Variants in C8orf34 observed in about 807,000 individuals in gnomAD.
C8orf34 encodes the protein chromosome 8 open reading frame 34.
C8orf34 carries 65 observed loss-of-function variants against 68.3 expected under a neutral mutation model. That is an observed-to-expected ratio of 0.95 (90% CI 0.78 to 1.17). The LOEUF (loss-of-function observed/expected upper bound fraction) is 1.17. Ranked by LOEUF, C8orf34 falls within the 50% of genes most tolerant of loss-of-function variation. The probability of loss-of-function intolerance (pLI) is 0.00; values close to 1 mark genes in which losing one functional copy is unlikely to be tolerated. For synonymous variants in C8orf34, 244 were observed against 241.2 expected (o/e 1.01, Z -0.11); for missense variants, 664 against 655.4 (o/e 1.01, Z -0.14).
chr8:68,733,236 T>G (rs1199148144), intron 10 of C8orf34, among the ~76,000 whole-genome samples: 1 of 152,214 alleles, frequency 6.6e-6, no homozygotes, highest in Admixed American at 6.5e-5. Context: ...CCATTTTGTT[T>G]GCAAGCAGAT....
chr8:68,772,841 T>C (rs1027917385), intron 10 of C8orf34, among the ~76,000 whole-genome samples: 4 of 150,324 alleles, frequency 2.7e-5, no homozygotes, highest in African/African-American at 7.4e-5. Flanking sequence ...TTTTCTTTCT[T>C]TCTCTCTTTC....
At chr8:68,375,203 G>T (rs1807740599) in intron 1 of C8orf34, among the ~76,000 whole-genome samples, 1 of 152,062 alleles carries the variant, frequency 6.6e-6, no homozygotes, top group Non-Finnish European at 1.5e-5. Context: ...TTTTTGACAT[G>T]GGCTTTGCTG....
intron 7 of C8orf34, among the ~76,000 whole-genome samples, chr8:68,548,293 G>A (rs1478859790): frequency 6.6e-6 from 1 of 151,636 alleles, no homozygotes; most frequent in Non-Finnish European, 1.5e-5. Flanking sequence ...ATTAAAATCT[G>A]ACAAATGTGT....
intron 1 of C8orf34, among the ~76,000 whole-genome samples, chr8:68,344,893 C>T (rs568354587): frequency 3.3e-5 from 5 of 152,018 alleles, no homozygotes; most frequent in Admixed American, 2.0e-4. Context: ...TATTAACATA[C>T]GTGTTGAAAA....
chr8:68,342,681 T>A (rs1806121187), intron 1 of C8orf34, among the ~76,000 whole-genome samples: 1 of 152,154 alleles, frequency 6.6e-6, no homozygotes, highest in African/African-American at 2.4e-5. Context: ...TTGTCCAGCG[T>A]CCCCACACTG....
chr8:68,458,709 G>A (rs562685628), intron 3 of C8orf34, among the ~76,000 whole-genome samples: 6 of 152,118 alleles, frequency 3.9e-5, no homozygotes, highest in Non-Finnish European at 7.3e-5. Flanking sequence ...CTGGGGAATG[G>A]TCTGTGAGGT....
chr8:68,570,019 G>C (rs887637205), intron 7 of C8orf34, among the ~76,000 whole-genome samples: 2 of 152,072 alleles, frequency 1.3e-5, no homozygotes, highest in Non-Finnish European at 2.9e-5. Context: ...TCTTCTCATT[G>C]CACACTCCCT....
chr8:68,464,439 G>A (rs1487576313), intron 3 of C8orf34, among the ~76,000 whole-genome samples: 2 of 151,560 alleles, frequency 1.3e-5, no homozygotes, highest in South Asian at 2.1e-4. Context: ...CACAGAATTG[G>A]AAAAAACTAC....
chr8:68,396,474 C>T (rs2129621037), intron 1 of C8orf34, among the ~76,000 whole-genome samples: 1 of 151,778 alleles, frequency 6.6e-6, no homozygotes, highest in African/African-American at 2.4e-5. Context: ...TTTTGAAGGC[C>T]CTTCCAGTTC....
chr8:68,785,303 C>T (rs1043712790), intron 11 of C8orf34, among the ~76,000 whole-genome samples: 13 of 152,148 alleles, frequency 8.5e-5, no homozygotes, highest in Non-Finnish European at 2.9e-5. Context: ...TTCATACCGA[C>T]GTCTTTAACT....
At chr8:68,570,833 C>G (rs1260684058) in intron 7 of C8orf34, among the ~76,000 whole-genome samples, 4 of 152,212 alleles carry the variant, frequency 2.6e-5, no homozygotes, top group South Asian at 2.1e-4. Flanking sequence ...ACGAGAAGCA[C>G]CAACTTAATT....
chr8:68,694,397 A>C lies in C8orf34; in HGVS notation c.1242-14597A>C, dbSNP rs149584636. Among the ~76,000 whole-genome samples the C allele has an allele frequency of 1.7e-3, 257 of 152,206 alleles. 1 individual carries two copies. Among genetic ancestry groups the C allele is most frequent in the Non-Finnish European group, 3.2e-3 (217 of 67,980 alleles). Reference sequence around the variant, plus strand: ...TTCTATAGATAAAATAATCATAGAAATTGCCATGACAGAAAAGTCTAAGTT... The same window carrying C: ...TTCTATAGATAAAATAATCATAGAACTTGCCATGACAGAAAAGTCTAAGTT... On this transcript the variant is annotated intron_variant, in intron 8 of 13. Coordinates refer to ENST00000518698, the MANE Select transcript of C8orf34 (RefSeq NM_052958.4).
chr8:68,799,807 C>CA (rs1200447525), intron 12 of C8orf34, among the ~76,000 whole-genome samples: 1 of 152,080 alleles, frequency 6.6e-6, no homozygotes, highest in Non-Finnish European at 1.5e-5. Flanking sequence ...GGAAATATCA[C>CA]AGAGTTGACA....
chr8:68,516,530 AG>A (rs1380228732), intron 5 of C8orf34, among the ~76,000 whole-genome samples: 1 of 152,200 alleles, frequency 6.6e-6, no homozygotes, highest in Non-Finnish European at 1.5e-5. Flanking sequence ...GCCTAGGACA[AG>A]GTAACTACTT....
At chr8:68,333,091 G>GTTTTAATT (rs1282240058) in intron 1 of C8orf34, among the ~76,000 whole-genome samples, 4 of 151,976 alleles carry the variant, frequency 2.6e-5, no homozygotes, top group African/African-American at 9.7e-5. Flanking sequence ...AATAAATACT[G>GTTTTAATT]TTTTAATTTG....
At chr8:68,362,964 CA>C (rs1177885127) in intron 1 of C8orf34, among the ~76,000 whole-genome samples, 3 of 106,236 alleles carry the variant, frequency 2.8e-5, no homozygotes, top group African/African-American at 1.1e-4. Flanking sequence ...GGAGGACATT[CA>C]AACCAAAGGC....
At chr8:68,775,112 C>A (rs1162654813) in intron 10 of C8orf34, among the ~76,000 whole-genome samples, 2 of 150,970 alleles carry the variant, frequency 1.3e-5, no homozygotes, top group Non-Finnish European at 2.9e-5. Context: ...AGAATCCAGT[C>A]CAAGCGATGC....
In C8orf34 at chr8:68,359,529, G is replaced by C. The variant is rs573156474; in HGVS notation, c.327+28190G>C. Among the ~76,000 whole-genome samples the C allele has an allele frequency of 6.9e-4, 105 of 152,254 alleles. 1 individual carries two copies. Among genetic ancestry groups the C allele is most frequent in the African/African-American group, 2.4e-3 (99 of 41,548 alleles). ...AACCCAGAAGTGCTGGTGATAAGAG[G>C]GCAGTAGTATGTAGAATAGAAATGA... On this transcript the variant is annotated intron_variant, in intron 1 of 13. Coordinates refer to ENST00000518698, the MANE Select transcript of C8orf34 (RefSeq NM_052958.4).
At chr8:68,380,193 T>A (rs969145353) in intron 1 of C8orf34, among the ~76,000 whole-genome samples, 8 of 152,176 alleles carry the variant, frequency 5.3e-5, no homozygotes, top group Non-Finnish European at 1.2e-4. Flanking sequence ...AGGCTCTGCT[T>A]ATGGTTAGAG....
Sources: allele counts gnomAD v4.1 joint callset (sites outside exome capture counted in the v4.1 genomes callset), GRCh38; gene constraint gnomAD v4.1.1; transcripts MANE v1.5; gene names NCBI Gene and HGNC (gene_info 2026-07-23, HGNC 2026-07-21).